The following IGSF11 variants were observed in gnomAD, a reference collection of about 807,000 sequenced individuals.
IGSF11 encodes the protein CXADR like 1.
IGSF11 carries 22 observed loss-of-function variants against 41.0 expected under a neutral mutation model. The observed-to-expected ratio is 0.54, with a 90% CI of 0.38 to 0.77. IGSF11 has a LOEUF of 0.77. Ranked by LOEUF, IGSF11 falls within the 30% of genes least tolerant of loss-of-function variation. IGSF11 has a pLI of 0.00. For synonymous variants in IGSF11, 219 were observed against 201.3 expected, an observed-to-expected ratio of 1.09 and a Z score of -0.74; for missense variants, 444 against 530.8, an observed-to-expected ratio of 0.84 and a Z score of 1.61.
At chr3:118,960,323 T>C (rs1945259017) in intron 1 of IGSF11, among the ~76,000 whole-genome samples, 1 of 152,170 alleles carries the variant, frequency 6.6e-6, no homozygotes, top group East Asian at 1.9e-4. Context: ...AACCTAGATG[T>C]CCAGCAACAG....
chr3:118,924,430 T>C (rs1235399939), intron 4 of IGSF11, among the ~76,000 whole-genome samples: 1 of 152,176 alleles, frequency 6.6e-6, no homozygotes, highest in Non-Finnish European at 1.5e-5. Flanking sequence ...TGAGATCAAC[T>C]TTATTAATAT....
At chr3:119,114,253 T>C (rs1236572507) in intron 1 of IGSF11, among the ~76,000 whole-genome samples, 2 of 152,246 alleles carry the variant, frequency 1.3e-5, no homozygotes, top group Non-Finnish European at 2.9e-5. Context: ...CCCCAGAAAA[T>C]GGGTTTTTCC....
chr3:119,137,189 C>T (rs2077574648), intron 1 of IGSF11, among the ~76,000 whole-genome samples: 1 of 151,896 alleles, frequency 6.6e-6, no homozygotes, highest in African/African-American at 2.4e-5. Context: ...TATCAAAATA[C>T]CAATTATATT....
chr3:119,022,478 T>C (rs189721031), intron 1 of IGSF11, among the ~76,000 whole-genome samples: 21 of 152,342 alleles, frequency 1.4e-4, no homozygotes, highest in African/African-American at 4.8e-4. Flanking sequence ...CCAAAAATGA[T>C]TGGACTGTAT....
At chr3:118,914,434 C>T (rs1044855283) in intron 4 of IGSF11, among the ~76,000 whole-genome samples, 1 of 151,442 alleles carries the variant, frequency 6.6e-6, no homozygotes, top group African/African-American at 2.4e-5. Context: ...CGAGGCATTG[C>T]CTCACCTGGG....
At chr3:119,142,392 T>A (rs1451439773) in intron 1 of IGSF11, among the ~76,000 whole-genome samples, 2 of 152,138 alleles carry the variant, frequency 1.3e-5, no homozygotes, top group Admixed American at 1.3e-4. Context: ...TTTTGTTTTT[T>A]TATTATGAAG....
chr3:118,929,956 G>A (rs1942703357), intron 2 of IGSF11, among the ~76,000 whole-genome samples, 156 bp downstream of exon 2: 1 of 152,154 alleles, frequency 6.6e-6, no homozygotes, highest in African/African-American at 2.4e-5. Context: ...TCTGATAAGT[G>A]ACTGATAGGG....
At chr3:118,918,786 A>G (rs1209027432) in intron 4 of IGSF11, among the ~76,000 whole-genome samples, 2 of 143,744 alleles carry the variant, frequency 1.4e-5, no homozygotes, top group Non-Finnish European at 3.0e-5. Flanking sequence ...ACAAAAAAAG[A>G]GCCCGCATCG....
rs201751373 is a variant in IGSF11, at chr3:118,946,206, A to G, written c.53-15931T>C. The stretch of plus-strand genomic sequence containing the variant: ...AACCATTGGCTACACACACACACGC[A>G]CACACACACACACACACACAAACAT... On this transcript the variant is annotated intron_variant, in intron 1 of 6. Transcript: ENST00000393775. Among the ~76,000 whole-genome samples, 460 of 128,204 alleles carry G rather than the reference A, an allele frequency of 3.6e-3. 4 individuals carry two copies. Among genetic ancestry groups the G allele is most frequent in the South Asian group, 0.018 (77 of 4,340 alleles). The allele number at this position is 128,204 out of a possible 152,430, so 84.1% of individuals were successfully genotyped here.
chr3:118,924,352 T>C, intron 4 of IGSF11, among the ~76,000 whole-genome samples: 1 of 152,012 alleles, frequency 6.6e-6, no homozygotes, highest in East Asian at 1.9e-4. Flanking sequence ...TATTAATAAT[T>C]TTAAACATAA....
chr3:119,067,904 C>T (rs954279302), intron 1 of IGSF11, among the ~76,000 whole-genome samples: 7 of 152,128 alleles, frequency 4.6e-5, no homozygotes, highest in Non-Finnish European at 8.8e-5. Flanking sequence ...CCTTTAAAAA[C>T]GTATTTGTAA....
chr3:119,116,574 A>G (rs952924920), intron 1 of IGSF11, among the ~76,000 whole-genome samples: 4 of 152,200 alleles, frequency 2.6e-5, no homozygotes, highest in African/African-American at 9.7e-5. Context: ...GGGCCATGCT[A>G]ACTTTGGAAG....
intron 1 of IGSF11, among the ~76,000 whole-genome samples, chr3:118,964,478 G>A (rs1945541615): frequency 6.6e-6 from 1 of 152,008 alleles, no homozygotes; most frequent in Admixed American, 6.6e-5. Flanking sequence ...ACTAGCTTAA[G>A]GTAAGTACAC....
At chr3:119,057,710 T>C (rs1344189121) in intron 1 of IGSF11, among the ~76,000 whole-genome samples, 1 of 152,210 alleles carries the variant, frequency 6.6e-6, no homozygotes, top group Non-Finnish European at 1.5e-5. Flanking sequence ...TCACGCTACC[T>C]GACTTCAAAC....
chr3:118,930,620 T>A (rs1406312393), intron 1 of IGSF11, among the ~76,000 whole-genome samples: 5 of 152,210 alleles, frequency 3.3e-5, no homozygotes, highest in Non-Finnish European at 7.3e-5. Flanking sequence ...TGTTGTTACA[T>A]AAGCACACTG....
At chr3:119,093,325 A>T (rs2076795006) in intron 1 of IGSF11, among the ~76,000 whole-genome samples, 1 of 152,026 alleles carries the variant, frequency 6.6e-6, no homozygotes. Context: ...CAATGGAATG[A>T]GCTCTGACCC....
At chr3:119,000,249 T>C (rs1040403417) in intron 1 of IGSF11, among the ~76,000 whole-genome samples, 10 of 150,548 alleles carry the variant, frequency 6.6e-5, no homozygotes, top group African/African-American at 2.5e-4. Flanking sequence ...TCCACACTCA[T>C]ATTATTTGAT....
In IGSF11 at chr3:119,013,139, T is replaced by A. The variant is rs184092931; in HGVS notation, c.52+21392A>T. ...CTCCTTTCCCCATTACCTCCTTGCT[T>A]CCTGAACTTCTATGGAGTTCTATGA... On this transcript the variant is annotated intron_variant, in intron 1 of 6. Transcript: ENST00000393775. 3.3e-5 allele frequency: 5 copies of A among 152,386 alleles called. No individual in the cohort carries two copies. The East Asian group carries it at 9.7e-4, about 29-fold the overall frequency. The allele number at this position is 152,386 out of a possible 1,614,324, so 9.4% of individuals were successfully genotyped here.
intron 1 of IGSF11, among the ~76,000 whole-genome samples, chr3:119,134,540 A>T (rs1293558226): frequency 6.6e-6 from 1 of 152,200 alleles, no homozygotes; most frequent in Non-Finnish European, 1.5e-5. Context: ...GAGAACTACA[A>T]ACCACTGCTC....
Sources: allele counts gnomAD v4.1 joint callset (sites outside exome capture counted in the v4.1 genomes callset), GRCh38; gene constraint gnomAD v4.1.1; transcripts MANE v1.5; gene names NCBI Gene and HGNC (gene_info 2026-07-23, HGNC 2026-07-21).